PACRGL: variants seen among roughly 807,000 people sequenced by gnomAD.
The protein encoded by PACRGL is PACRG-like protein.
Under a neutral mutation model 34.5 loss-of-function variants are expected in PACRGL, and 38 were observed. The observed-to-expected ratio is 1.10, with a 90% CI of 0.85 to 1.44. The LOEUF (loss-of-function observed/expected upper bound fraction) is 1.44, where lower values mean the gene tolerates loss of function less well. PACRGL is among the 40% of genes most tolerant of loss of function. PACRGL has a pLI of 0.00. For synonymous variants in PACRGL, 128 were observed against 100.1 expected, an observed-to-expected ratio of 1.28 and a Z score of -1.66; for missense variants, 305 against 281.4, an observed-to-expected ratio of 1.08 and a Z score of -0.60.
intron 2 of PACRGL, 61 bp downstream of exon 2, chr4:20,704,594 C>T: frequency 6.2e-7 from 1 of 1,612,786 alleles, no homozygotes; most frequent in Non-Finnish European, 8.5e-7. Context: ...TTCTGTGCTA[C>T]AGATGGATGC....
In PACRGL at chr4:20,709,665, C is replaced by T; in HGVS notation, c.276-18C>T. 1 of 1,504,826 alleles carries T rather than the reference C, an allele frequency of 6.6e-7. No individual in the cohort carries two copies. The highest frequency in any genetic ancestry group is 9.1e-7 in the Non-Finnish European group (1 of 1,094,772). The allele number at this position is 1,504,826 out of a possible 1,614,324, so 93.2% of individuals were successfully genotyped here. A position where few individuals can be genotyped will look rare whatever the true frequency, so the allele number is the denominator to read the frequency against. The stretch of plus-strand genomic sequence containing the variant: ...AATTATATTTTTCTTGTTGCATTCA[C>T]TAACTTTTATATTTTAGATTGGTAC... On this transcript the variant is annotated intron_variant, in intron 4 of 8. Transcript: ENST00000503585.
downstream of PACRGL, among the ~76,000 whole-genome samples, chr4:20,733,165 A>AATAT (rs1748754738): frequency 1.3e-5 from 2 of 152,210 alleles, no homozygotes; most frequent in Non-Finnish European, 2.9e-5. Flanking sequence ...TTGAGAATCA[A>AATAT]ATATACGGCA....
rs1407673010 is a variant in PACRGL, at chr4:20,704,720, G to A, written c.113G>A (p.Gly38Glu). The stretch of plus-strand genomic sequence containing the variant: ...TTAAAACACAGGAATGCAGTTCAGG[G>A]AAGCAAATCCTCATTGTCAACCAGT... ...TQLKHRNAVQ[G>E]SKSSLSTSSP... The change falls in exon 3 of 9, where the codon GGA (glycine) becomes GAA (glutamate). Residue 38 changes from glycine to glutamate, a missense_variant. Gly to Glu is a moderately conservative substitution (Grantham distance 98). Transcript: ENST00000503585. 5 of 1,613,918 alleles carry A rather than the reference G, an allele frequency of 3.1e-6. No homozygotes were observed. The highest frequency in any genetic ancestry group is 4.2e-6 in the Non-Finnish European group (5 of 1,179,942).
In PACRGL at chr4:20,723,905, G is replaced by A. The variant is rs150416221; in HGVS notation, c.610-903G>A. 2.3e-3 allele frequency among the ~76,000 whole-genome samples: 353 copies of A among 152,254 alleles called. 8 individuals are homozygous for A. The South Asian group carries it at 0.046, about 20-fold the overall frequency. ...CTAACTATGAGACAGACACCACTGA[G>A]GATGTCAATGAGGTGCTATCGGATC... On this transcript the variant is annotated intron_variant, in intron 7 of 8. Transcript: ENST00000503585.
At chr4:20,707,897 C>T (rs776249279) in intron 4 of PACRGL, 27 bp downstream of exon 4, 3 of 1,494,820 alleles carry the variant, frequency 2.0e-6, no homozygotes, top group Admixed American at 3.5e-5. Flanking sequence ...TTATAACTGA[C>T]CAAATTATTC....
At chr4:20,751,025 G>A (rs985770521) in intron 8 of PACRGL, among the ~76,000 whole-genome samples, 8 of 152,106 alleles carry the variant, frequency 5.3e-5, no homozygotes, top group Admixed American at 2.0e-4. Context: ...TGGCTCTCAG[G>A]GCTCACGGCC....
At chr4:20,698,141 A>C (rs1731316319), upstream of PACRGL, among the ~76,000 whole-genome samples, 1 of 152,156 alleles carries the variant, frequency 6.6e-6, no homozygotes, top group Admixed American at 6.5e-5. Context: ...CAGAAACCAG[A>C]GGGCACTGGA....
intron 8 of PACRGL, chr4:20,749,851 G>T: frequency 1.7e-6 from 1 of 601,198 alleles, no homozygotes. Context: ...TTTAGTTTGT[G>T]CTTTCTTCAC....
At position 20,732,230 on chromosome 4, in the gene PACRGL, A is replaced by AATG. The variant is rs1748469245; in HGVS notation, c.*4892_*4894dup. 1.3e-5 allele frequency among the ~76,000 whole-genome samples: 2 copies of AATG among 152,170 alleles called. No individual in the cohort carries two copies. The highest frequency in any genetic ancestry group is 4.1e-4 in the South Asian group (2 of 4,822). The stretch of plus-strand genomic sequence containing the variant: ...GAACCAGCAGTTTTTTAGAGATAAA[A>AATG]ATGATAGGGCCAAATGCTTCTGGCT... On this transcript the variant is annotated 3_prime_UTR_variant, in exon 9 of 9. Transcript: ENST00000503585.
the PACRGL span, among the ~76,000 whole-genome samples, chr4:20,760,503 T>G: frequency 6.6e-6 from 1 of 152,192 alleles, no homozygotes. Flanking sequence ...GAATTTTCTA[T>G]TTTCTCATTT....
At chr4:20,707,635 G>A (rs1735129963) in intron 3 of PACRGL, among the ~76,000 whole-genome samples, 168 bp from the exon 4 acceptor site, 1 of 152,182 alleles carries the variant, frequency 6.6e-6, no homozygotes. Flanking sequence ...TGTACCAAGT[G>A]TGGTCGTGGT....
chr4:20,718,616 A>G (rs1360448233), intron 7 of PACRGL, among the ~76,000 whole-genome samples: 1 of 152,182 alleles, frequency 6.6e-6, no homozygotes, highest in African/African-American at 2.4e-5. Flanking sequence ...TTCTGTTTAT[A>G]TGCTGGATTA....
downstream of PACRGL, among the ~76,000 whole-genome samples, chr4:20,757,159 C>A (rs990921823): frequency 3.3e-5 from 5 of 152,110 alleles, no homozygotes; most frequent in African/African-American, 1.2e-4. Flanking sequence ...ATCACAAACT[C>A]CTCTCTTCAT....
At chr4:20,754,889 C>T (rs536571324), downstream of PACRGL, among the ~76,000 whole-genome samples, 1 of 152,288 alleles carries the variant, frequency 6.6e-6, no homozygotes, top group Non-Finnish European at 1.5e-5. Context: ...TAAAGATTTT[C>T]ATCTGCATTG....
intron 7 of PACRGL, among the ~76,000 whole-genome samples, chr4:20,716,923 T>A (rs1336490267): frequency 6.6e-6 from 1 of 152,256 alleles, no homozygotes; most frequent in Non-Finnish European, 1.5e-5. Flanking sequence ...TCTTACACAA[T>A]GGTTGAACTG....
chr4:20,705,478 G>A (rs1734092284), intron 3 of PACRGL, among the ~76,000 whole-genome samples: 1 of 152,110 alleles, frequency 6.6e-6, no homozygotes. Flanking sequence ...AAGGTATAGT[G>A]AGCTCTCCAA....
upstream of PACRGL, among the ~76,000 whole-genome samples, chr4:20,699,963 G>A (rs970638226): frequency 1.3e-5 from 2 of 152,086 alleles, no homozygotes; most frequent in Non-Finnish European, 2.9e-5. Context: ...GACAGGAAAC[G>A]AATTTCCACA....
At chr4:20,752,143 C>T (rs987183046) in intron 8 of PACRGL, among the ~76,000 whole-genome samples, 1 of 150,526 alleles carries the variant, frequency 6.6e-6, no homozygotes, top group South Asian at 2.1e-4. Flanking sequence ...ACTGCAGCCT[C>T]CACCTCCTGG....
At chr4:20,734,809 G>T, downstream of PACRGL, 1 of 800,194 alleles carries the variant, frequency 1.2e-6, no homozygotes, top group Non-Finnish European at 2.0e-6. Context: ...AATGATGTAA[G>T]TAAGGGCTAC....
Sources: allele counts gnomAD v4.1 joint callset (sites outside exome capture counted in the v4.1 genomes callset), GRCh38; gene constraint gnomAD v4.1.1; transcripts MANE v1.5; gene names NCBI Gene and HGNC (gene_info 2026-07-23, HGNC 2026-07-21).